The following FGF12 variants were observed in gnomAD, a reference collection of about 807,000 sequenced individuals.
FGF12 encodes fibroblast growth factor 12B.
In FGF12, 14 loss-of-function variants were observed where a neutral mutation model predicts 23.6. The ratio of observed to expected loss-of-function variants is 0.59; its 90% CI spans 0.39 to 0.93. The LOEUF is 0.93. Ranked by LOEUF, FGF12 falls within the 40% of genes least tolerant of loss-of-function variation. The pLI, the probability that FGF12 is intolerant of heterozygous loss-of-function variation, is 0.00. For synonymous variants in FGF12, 62 were observed against 77.3 expected (o/e 0.80, Z 1.04); for missense variants, 175 against 217.8 (o/e 0.80, Z 1.24).
chr3:192,547,334 T>C (rs994750497), intron 2 of FGF12, among the ~76,000 whole-genome samples: 13 of 152,188 alleles, frequency 8.5e-5, no homozygotes, highest in African/African-American at 3.1e-4. Flanking sequence ...TGAATTAGTC[T>C]TTTTCAGTTT....
At chr3:192,204,423 G>C (rs1233827213) in intron 4 of FGF12, among the ~76,000 whole-genome samples, 1 of 152,122 alleles carries the variant, frequency 6.6e-6, no homozygotes, top group Non-Finnish European at 1.5e-5. Context: ...TATTTGTTTA[G>C]TGTCTACTAT....
chr3:192,405,547 T>G (rs1179725067), intron 2 of FGF12, among the ~76,000 whole-genome samples: 1 of 151,294 alleles, frequency 6.6e-6, no homozygotes, highest in Non-Finnish European at 1.5e-5. Context: ...ACTTTACCAT[T>G]TGTGAGTTAC....
At chr3:192,356,970 GA>G (rs1455495639) in intron 3 of FGF12, among the ~76,000 whole-genome samples, 8 of 152,126 alleles carry the variant, frequency 5.3e-5, no homozygotes, top group Non-Finnish European at 8.8e-5. Context: ...AATATGTGGG[GA>G]AAGTGTCAGA....
chr3:192,631,361 T>C (rs1016225930), intron 2 of FGF12, among the ~76,000 whole-genome samples: 1 of 152,198 alleles, frequency 6.6e-6, no homozygotes, highest in Non-Finnish European at 1.5e-5. Context: ...GCCCAACTAC[T>C]GGAACGTAAT....
Position 192,233,415 on chromosome 3 carries a change from T to G in FGF12, c.229-62759A>C, listed in dbSNP as rs143290960. Among the ~76,000 whole-genome samples, 255 of 152,228 alleles carry G rather than the reference T, an allele frequency of 1.7e-3. 1 individual carries two copies. Among genetic ancestry groups the G allele is most frequent in the African/African-American group, 6.0e-3 (251 of 41,558 alleles). ...AATGGGGTTGTTTGGTTTTTCTTGT[T>G]GATTTGTTTAAGTTTCTTACAGATT... On this transcript the variant is annotated intron_variant, in intron 4 of 5. Coordinates refer to ENST00000445105, the MANE Select transcript of FGF12 (RefSeq NM_004113.6).
intron 4 of FGF12, among the ~76,000 whole-genome samples, chr3:192,174,432 G>A (rs1715746341): frequency 6.6e-6 from 1 of 152,146 alleles, no homozygotes; most frequent in African/African-American, 2.4e-5. Flanking sequence ...AATTCCAACA[G>A]GGCTATGCAG....
At chr3:192,378,573 C>T (rs996517601) in intron 2 of FGF12, among the ~76,000 whole-genome samples, 1 of 152,044 alleles carries the variant, frequency 6.6e-6, no homozygotes, top group Non-Finnish European at 1.5e-5. Flanking sequence ...GATTCATTTT[C>T]GTCATTTTAG....
At chr3:192,188,915 T>G (rs1431515566) in intron 4 of FGF12, among the ~76,000 whole-genome samples, 1 of 152,210 alleles carries the variant, frequency 6.6e-6, no homozygotes, top group African/African-American at 2.4e-5. Context: ...CACATAGAAA[T>G]GTAATCTCTA....
At chr3:192,330,583 A>G (rs1717060786) in intron 4 of FGF12, among the ~76,000 whole-genome samples, 1 of 152,114 alleles carries the variant, frequency 6.6e-6, no homozygotes, top group African/African-American at 2.4e-5. Context: ...TGGATTACAA[A>G]TCTCTGCATA....
At chr3:192,478,660 T>C (rs1432313854) in intron 2 of FGF12, among the ~76,000 whole-genome samples, 4 of 152,156 alleles carry the variant, frequency 2.6e-5, no homozygotes, top group Non-Finnish European at 5.9e-5. Context: ...AAGATAAAAT[T>C]TTCAAATACT....
intron 4 of FGF12, 103 bp from the exon 5 acceptor site, chr3:192,170,759 A>G (rs1306212035): frequency 1.0e-6 from 1 of 976,212 alleles, no homozygotes; most frequent in Non-Finnish European, 1.5e-6. Context: ...CTCTGTTAAG[A>G]ACAAATGAAA....
chr3:192,551,390 C>T (rs1308819592), intron 2 of FGF12, among the ~76,000 whole-genome samples: 1 of 152,150 alleles, frequency 6.6e-6, no homozygotes. Flanking sequence ...CAGAGGTTGC[C>T]CTCAGGCCCT....
At chr3:192,485,578 AG>A (rs1723610741) in intron 2 of FGF12, among the ~76,000 whole-genome samples, 1 of 152,152 alleles carries the variant, frequency 6.6e-6, no homozygotes, top group Admixed American at 6.5e-5. Context: ...ATTTTAATGT[AG>A]TTTTCAGTAA....
chr3:192,160,981 T>C (rs1413978056), intron 5 of FGF12, among the ~76,000 whole-genome samples: 1 of 152,104 alleles, frequency 6.6e-6, no homozygotes, highest in Non-Finnish European at 1.5e-5. Flanking sequence ...TAAGTGATAT[T>C]TGAATAATCA....
chr3:192,367,085 C>G (rs542841642), intron 2 of FGF12, among the ~76,000 whole-genome samples: 87 of 152,304 alleles, frequency 5.7e-4, no homozygotes, highest in Admixed American at 1.2e-3. Context: ...CGGAGACACT[C>G]TGAGTGAGAA....
At chr3:192,397,558 G>A (rs548757818) in intron 2 of FGF12, among the ~76,000 whole-genome samples, 38 of 152,190 alleles carry the variant, frequency 2.5e-4, no homozygotes, top group Admixed American at 1.9e-3. Context: ...TACATGACTC[G>A]CTCCTCAGTG....
rs1223513058 is a variant in FGF12, at chr3:192,706,660, AC to A, written c.13+20520del. On this transcript the variant is annotated intron_variant, in intron 2 of 5. Coordinates refer to ENST00000445105, the MANE Select transcript of FGF12 (RefSeq NM_004113.6). ...CTCTCCTTGAATCCCCGCCGCAAGA[AC>A]CCCAGATGCAAGATATTTACCTCCG... Among the ~76,000 whole-genome samples the A allele has an allele frequency of 2.0e-5, 3 of 152,248 alleles. No homozygotes were observed. The South Asian group carries it at 6.2e-4, about 32-fold the overall frequency.
intron 4 of FGF12, among the ~76,000 whole-genome samples, chr3:192,257,694 G>A (rs1436613877): frequency 6.6e-6 from 1 of 151,960 alleles, no homozygotes; most frequent in Non-Finnish European, 1.5e-5. Flanking sequence ...TTTTTTGTTT[G>A]TGTTTTTACT....
intron 2 of FGF12, among the ~76,000 whole-genome samples, chr3:192,500,064 G>A (rs1724086934): frequency 6.6e-6 from 1 of 152,128 alleles, no homozygotes. Context: ...ACAAAGTCCT[G>A]CCTCTGTCAA....
Sources: allele counts gnomAD v4.1 joint callset (sites outside exome capture counted in the v4.1 genomes callset), GRCh38; gene constraint gnomAD v4.1.1; transcripts MANE v1.5; gene names NCBI Gene and HGNC (gene_info 2026-07-23, HGNC 2026-07-21).